Variants in SETDB1 observed in about 807,000 individuals in gnomAD.
The protein encoded by SETDB1 is SET domain bifurcated histone lysine methyltransferase 1, also known as histone-lysine N-methyltransferase SETDB1.
A neutral mutation model predicts 137.4 loss-of-function variants in SETDB1; 31 were observed. That is an observed-to-expected ratio of 0.23 (90% CI 0.17 to 0.30). The LOEUF (loss-of-function observed/expected upper bound fraction) is 0.30. Ranked by LOEUF, SETDB1 falls within the 10% of genes least tolerant of loss-of-function variation. The pLI is 1.00. For missense variants in SETDB1, 1,113 were observed against 1,631.5 expected, an observed-to-expected ratio of 0.68 and a Z score of 5.47; for synonymous variants, 548 against 579.9, an observed-to-expected ratio of 0.95 and a Z score of 0.79.
chr1:150,932,975 T>C (rs1440291960), intron 3 of SETDB1, among the ~76,000 whole-genome samples: 1 of 152,146 alleles, frequency 6.6e-6, no homozygotes, highest in African/African-American at 2.4e-5. Context: ...TTTTTTGATA[T>C]CTTTCTGTTG....
At chr1:150,929,829 C>A in intron 2 of SETDB1, 138 bp from the exon 3 acceptor site, 1 of 711,776 alleles carries the variant, frequency 1.4e-6, no homozygotes, top group Non-Finnish European at 2.3e-6. Context: ...ATTCTAAATT[C>A]TAAACAGAGA....
intron 10 of SETDB1, among the ~76,000 whole-genome samples, chr1:150,947,525 C>T (rs1384078959): frequency 6.6e-6 from 1 of 152,048 alleles, no homozygotes; most frequent in African/African-American, 2.4e-5. Context: ...AATCCCAACA[C>T]TTTAGGAAGC....
At chr1:150,962,912 C>A in intron 18 of SETDB1, 62 bp from the exon 19 acceptor site, 1 of 1,567,522 alleles carries the variant, frequency 6.4e-7, no homozygotes, top group Non-Finnish European at 8.7e-7. Context: ...TGGGTAACAG[C>A]AAGGACTTAA....
In SETDB1 at chr1:150,958,853, C is replaced by T. The variant is rs368857615; in HGVS notation, c.2334-325C>T. The stretch of plus-strand genomic sequence containing the variant: ...CCATATAGTGCTTATTTTAATGGCT[C>T]TGTAATCTGTATTCCCATTATAGTT... On this transcript the variant is annotated intron_variant, in intron 14 of 21. Transcript: ENST00000692827. Among the ~76,000 whole-genome samples, 81 of 152,194 alleles carry T rather than the reference C, an allele frequency of 5.3e-4. 1 individual carries two copies. The highest frequency in any genetic ancestry group is 1.9e-3 in the African/African-American group (79 of 41,548).
At chr1:150,961,350 T>C in intron 16 of SETDB1, 159 bp downstream of exon 16, 1 of 782,530 alleles carries the variant, frequency 1.3e-6, no homozygotes, top group Non-Finnish European at 2.1e-6. Flanking sequence ...TCCTAGTGTT[T>C]GTTTAAAGAA....
At chr1:150,936,012 A>G (rs893056530) in intron 3 of SETDB1, among the ~76,000 whole-genome samples, 1 of 152,094 alleles carries the variant, frequency 6.6e-6, no homozygotes, top group Non-Finnish European at 1.5e-5. Flanking sequence ...TTTGAGACGG[A>G]GTCTCGCTCT....
At chr1:150,956,807 T>A (rs1371064011) in intron 14 of SETDB1, among the ~76,000 whole-genome samples, 1 of 151,138 alleles carries the variant, frequency 6.6e-6, no homozygotes, top group Non-Finnish European at 1.5e-5. Context: ...ACATGGGAAA[T>A]AATCTTTTTT....
At chr1:150,926,762 AAAG>A (rs1669536551) in intron 1 of SETDB1, 1 of 533,352 alleles carries the variant, frequency 1.9e-6, no homozygotes, top group African/African-American at 1.9e-5. Context: ...TTTGATTAAA[AAAG>A]CAGTTCACAC....
rs750730681 is a variant in SETDB1, at chr1:150,949,447, C to G, written c.1505C>G (p.Ser502Cys). Residue 502 changes from serine to cysteine, a missense_variant, in exon 12 of 22, where the codon TCT (serine) becomes TGT (cysteine). Physicochemically the swap from Ser to Cys is moderately radical, Grantham distance 112 (BLOSUM62 -1). This residue lies in a region of SETDB1 where 192 missense variants were observed against 198.1 expected (regional missense o/e 0.97). Transcript: ENST00000692827. ...STSFRPGSVG[S>C]GHSSPTSPAL... ...TCCTTTCGACCAGGATCTGTGGGCT[C>G]TGGTCATTCCTCCCCTACATCTCCT... The G allele has an allele frequency of 1.2e-6, 2 of 1,613,988 alleles. No individual in the cohort carries two copies. The highest frequency in any genetic ancestry group is 1.6e-4 in the Middle Eastern group (1 of 6,084).
chr1:150,951,090 A>G lies in SETDB1; in HGVS notation c.2216A>G (p.Lys739Arg). ...GACTGCAAGGATGGGTGTCGGGACA[A>G]GTGAGTTGGTGGGGGGAATTGCTGC... ...GCDCKDGCRD[K>R]SKCACHQLTI... Residue 739 changes from lysine (K) to arginine (R), a missense_variant and splice_region_variant, in exon 13 of 22, where the codon AAG (lysine) becomes AGG (arginine). This residue lies in a region of SETDB1 where 81 missense variants were observed against 123.4 expected (regional missense o/e 0.66). Transcript: ENST00000692827. 6.2e-7 allele frequency: 1 copy of G among 1,604,296 alleles called. No homozygotes were observed. The highest frequency in any genetic ancestry group is 8.5e-7 in the Non-Finnish European group (1 of 1,173,234).
intron 19 of SETDB1, 143 bp from the exon 20 acceptor site, chr1:150,963,387 C>A (rs951505888): frequency 1.2e-6 from 1 of 835,990 alleles, no homozygotes; most frequent in Non-Finnish European, 1.9e-6. Context: ...AAAAAACCTG[C>A]TACTTAGGAT....
chr1:150,949,622 C>A lies in SETDB1; in HGVS notation c.1583+97C>A, dbSNP rs587745373. The stretch of plus-strand genomic sequence containing the variant: ...CTGTAAGCGAAGGGCTTAGTTTAAG[C>A]TTATGATAGTGAGGAGTTTGGACTT... On this transcript the variant is annotated intron_variant, in intron 12 of 21. Coordinates refer to ENST00000692827, the MANE Select transcript of SETDB1 (RefSeq NM_001366418.1). The A allele has an allele frequency of 2.8e-6, 3 of 1,086,758 alleles. No individual in the cohort carries two copies. The South Asian group carries it at 4.8e-5, about 17-fold the overall frequency. The allele number at this position is 1,086,758 out of a possible 1,614,324, so 67.3% of individuals were successfully genotyped here.
In SETDB1 at chr1:150,950,860, T is replaced by C; in HGVS notation, c.1986T>C (p.Asp662=). 5 of 1,614,194 alleles carry C rather than the reference T, an allele frequency of 3.1e-6. No individual in the cohort carries two copies. Among genetic ancestry groups the C allele is most frequent in the Non-Finnish European group, 4.2e-6 (5 of 1,180,030 alleles). Residue 662 remains aspartate, a synonymous_variant, in exon 13 of 22, where the codon GAT becomes GAC. Coordinates refer to ENST00000692827, the MANE Select transcript of SETDB1 (RefSeq NM_001366418.1). ...TCTTCCTGGAGATGTTCTGTTTGGA[T>C]CCATATGTTCTTGTGGACCGAAAGT... is the stretch of plus-strand genomic sequence containing the variant. The part of the protein sequence containing the change: ...DFLFLEMFCL[D]PYVLVDRKFQ...
At chr1:150,927,271 G>A (rs113249386) in intron 1 of SETDB1, among the ~76,000 whole-genome samples, 24 of 152,194 alleles carry the variant, frequency 1.6e-4, no homozygotes, top group African/African-American at 5.3e-4. Context: ...AACTAAAGGC[G>A]TGCACCACCA....
At chr1:150,946,137 A>C (rs377266212) in intron 9 of SETDB1, among the ~76,000 whole-genome samples, 4 of 151,850 alleles carry the variant, frequency 2.6e-5, no homozygotes, top group African/African-American at 9.7e-5. Context: ...CTCCCACATC[A>C]GCCTCCCAAG....
chr1:150,945,158 C>A (rs1670286971), intron 9 of SETDB1, 50 bp downstream of exon 9: 3 of 1,609,382 alleles, frequency 1.9e-6, no homozygotes, highest in East Asian at 2.2e-5. Context: ...GGGGGGGGAA[C>A]TTAAGAAGCA....
Position 150,943,979 on chromosome 1 carries a change from C to G in SETDB1, c.935C>G (p.Pro312Arg). The G allele has an allele frequency of 1.2e-6, 2 of 1,612,022 alleles. No homozygotes were observed. The highest frequency in any genetic ancestry group is 1.7e-6 in the Non-Finnish European group (2 of 1,178,116). ...TATGTCACACAGTCGGAACTGTATC[C>G]CATTTGCCGGCCACGTGAGTGTTTC... is the stretch of plus-strand genomic sequence containing the variant. ...ASYVTQSELY[P>R]ICRPLKKTWE... The change falls in exon 8 of 22, where the codon CCC becomes CGC. Residue 312 changes from proline (P) to arginine (R), a missense_variant. Pro to Arg is a moderately radical substitution (Grantham distance 103, BLOSUM62 -2). Transcript: ENST00000692827.
chr1:150,950,612 A>C lies in SETDB1; in HGVS notation c.1738A>C (p.Ser580Arg), dbSNP rs747715711. 1 of 1,614,150 alleles carries C rather than the reference A, an allele frequency of 6.2e-7. No individual in the cohort carries two copies. The highest frequency in any genetic ancestry group is 8.5e-7 in the Non-Finnish European group (1 of 1,180,032). ...EKLFYLPHVC[S>R]YTCLSRVRPM... ...GCTTTTCTACTTACCTCATGTCTGCAGCTATACCTGTCTGTCTCGAGTCAG... is the reference window on the plus strand; with the variant it reads ...GCTTTTCTACTTACCTCATGTCTGCCGCTATACCTGTCTGTCTCGAGTCAG... Residue 580 changes from serine (S) to arginine (R), a missense_variant, in exon 13 of 22, where the codon AGC becomes CGC. By Grantham distance (110) the Ser-to-Arg change is moderately radical. This residue lies in a region of SETDB1 where 192 missense variants were observed against 198.1 expected (regional missense o/e 0.97). Transcript: ENST00000692827.
chr1:150,930,763 C>T (rs982368017), intron 3 of SETDB1, among the ~76,000 whole-genome samples: 10 of 151,970 alleles, frequency 6.6e-5, no homozygotes, highest in Non-Finnish European at 1.3e-4. Flanking sequence ...GTCTTGAACT[C>T]CTGACCTTGT....
Sources: gnomAD v4.1 joint callset for allele counts (sites outside exome capture counted in the v4.1 genomes callset) on GRCh38, gnomAD v4.1.1 for gene constraint, gnomAD v4.1.1 regional missense constraint, MANE v1.5 for transcripts, NCBI Gene and HGNC (gene_info 2026-07-23, HGNC 2026-07-21) for gene names.